LRP5: variants seen among roughly 807,000 people sequenced by gnomAD.
LRP5 encodes the protein low-density lipoprotein receptor-related protein 5.
LRP5 carries 62 observed loss-of-function variants against 154.1 expected under a neutral mutation model. The ratio of observed to expected loss-of-function variants is 0.40; its 90% CI spans 0.33 to 0.50. The LOEUF is 0.50. Ranked by LOEUF, LRP5 falls within the 20% of genes least tolerant of loss-of-function variation. The pLI is 0.55. For missense variants in LRP5, 1,915 were observed against 2,336.7 expected, an observed-to-expected ratio of 0.82 and a Z score of 3.72; for synonymous variants, 966 against 1,011.5, an observed-to-expected ratio of 0.96 and a Z score of 0.85.
At chr11:68,349,859 C>T (rs1040667374) in intron 2 of LRP5, among the ~76,000 whole-genome samples, 5 of 152,192 alleles carry the variant, frequency 3.3e-5, no homozygotes, top group Admixed American at 3.3e-4. Context: ...TACACACACC[C>T]TTACCTGGGC....
intron 17 of LRP5, among the ~76,000 whole-genome samples, chr11:68,432,110 C>A (rs569925154): frequency 2.0e-4 from 31 of 152,256 alleles, no homozygotes; most frequent in Non-Finnish European, 3.5e-4. Context: ...CGCCATTCAG[C>A]CCTTCCCTGA....
chr11:68,421,088 G>T (rs1416773013), intron 13 of LRP5, among the ~76,000 whole-genome samples: 1 of 152,136 alleles, frequency 6.6e-6, no homozygotes, highest in Non-Finnish European at 1.5e-5. Flanking sequence ...CTAGCCAGGT[G>T]TGGTGGCGGG....
At chr11:68,410,672 C>T (rs1190199331) in intron 10 of LRP5, among the ~76,000 whole-genome samples, 1 of 152,202 alleles carries the variant, frequency 6.6e-6, no homozygotes, top group Non-Finnish European at 1.5e-5. Context: ...GGCAAATGTG[C>T]TTTGAGCTGC....
intron 1 of LRP5, among the ~76,000 whole-genome samples, chr11:68,336,344 A>G (rs980126215): frequency 6.6e-6 from 1 of 152,264 alleles, no homozygotes; most frequent in Non-Finnish European, 1.5e-5. Flanking sequence ...TGCCTTAGCG[A>G]CCAACCCACA....
rs577560086 is a variant in LRP5, at chr11:68,417,622, G to T, written c.3027+1095G>T. 5.9e-5 allele frequency among the ~76,000 whole-genome samples: 9 copies of T among 151,488 alleles called. No homozygotes were observed. The East Asian group carries it at 1.8e-3, about 30-fold the overall frequency. On this transcript the variant is annotated intron_variant, in intron 13 of 22. Transcript: ENST00000294304. ...ATTACAGGCATGAGCCACCGCGGCC[G>T]GCCAGATTTGCATTTTTGAAACAAC... is the stretch of plus-strand genomic sequence containing the variant.
chr11:68,446,387 A>G, intron 21 of LRP5, 49 bp from the exon 22 acceptor site: 1 of 1,266,646 alleles, frequency 7.9e-7, no homozygotes, highest in Non-Finnish European at 1.2e-6. Flanking sequence ...GAAGGAAGGA[A>G]TGCCCAGGCT....
At chr11:68,414,363 G>A (rs948159639) in intron 12 of LRP5, among the ~76,000 whole-genome samples, 2 of 152,174 alleles carry the variant, frequency 1.3e-5, no homozygotes, top group African/African-American at 4.8e-5. Context: ...CTGGAGGGTG[G>A]GGAGTAGCAT....
intron 7 of LRP5, among the ~76,000 whole-genome samples, chr11:68,400,201 T>C (rs1203422413): frequency 6.6e-6 from 1 of 152,066 alleles, no homozygotes; most frequent in African/African-American, 2.4e-5. Flanking sequence ...TGGGGCCACC[T>C]GGGAGTGTGG....
chr11:68,433,764 A>T lies in LRP5; in HGVS notation c.3926A>T (p.Gln1309Leu). 6.2e-7 allele frequency: 1 copy of T among 1,612,700 alleles called. No individual in the cohort carries two copies. Among genetic ancestry groups the T allele is most frequent in the African/African-American group, 1.3e-5 (1 of 75,038 alleles). ...GCCCAGTTCCCCTGCGCGCGGGGTC[A>T]GTGTGTGGACCTGCGCCTGCGCTGC... ...SAAQFPCARG[Q>L]CVDLRLRCDG... Residue 1309 changes from glutamine to leucine, a missense_variant, in exon 18 of 23, where the codon CAG becomes CTG. By Grantham distance (113) the Gln-to-Leu change is moderately radical. Around this residue, in one of 3 missense-constraint regions of LRP5, gnomAD observed 1,094 missense variants for 1,210.1 expected, o/e 0.90. Coordinates refer to ENST00000294304, the MANE Select transcript of LRP5 (RefSeq NM_002335.4).
chr11:68,390,053 G>A lies in LRP5; in HGVS notation c.1584+1G>A, dbSNP rs1554967176. ...AGACGCCAAGACAGACAAGATCGAG[G>A]TGAGGCTCCTGTGGACATGTTTGAT... On this transcript the variant is annotated splice_donor_variant, in intron 7 of 22. Coordinates refer to ENST00000294304, the MANE Select transcript of LRP5 (RefSeq NM_002335.4). LOFTEE classifies it high-confidence loss of function. 1 of 1,614,242 alleles carries A rather than the reference G, an allele frequency of 6.2e-7. No homozygotes were observed. The highest frequency in any genetic ancestry group is 1.3e-5 in the African/African-American group (1 of 75,066).
intron 2 of LRP5, among the ~76,000 whole-genome samples, chr11:68,355,750 C>G (rs894006253): frequency 6.6e-6 from 1 of 152,172 alleles, no homozygotes; most frequent in Non-Finnish European, 1.5e-5. Context: ...ATGCTTGTCT[C>G]TTGGGAACAT....
At chr11:68,307,690 T>C (rs1235235042), upstream of LRP5, among the ~76,000 whole-genome samples, 1 of 151,616 alleles carries the variant, frequency 6.6e-6, no homozygotes, top group Non-Finnish European at 1.5e-5. Flanking sequence ...CGGTGGTGCA[T>C]GCCTGTAGTT....
At chr11:68,394,755 C>T (rs1043721196) in intron 7 of LRP5, among the ~76,000 whole-genome samples, 17 of 152,288 alleles carry the variant, frequency 1.1e-4, no homozygotes, top group South Asian at 4.1e-4. Context: ...TGAGCCACCG[C>T]GCCCGGCCCG....
At chr11:68,389,144 A>G (rs2098644683) in intron 6 of LRP5, among the ~76,000 whole-genome samples, 3 of 152,262 alleles carry the variant, frequency 2.0e-5, no homozygotes, top group African/African-American at 7.2e-5. Flanking sequence ...ACCAACATTT[A>G]CCAACACTGA....
chr11:68,361,320 A>T (rs1269484694), intron 3 of LRP5, among the ~76,000 whole-genome samples: 2 of 147,988 alleles, frequency 1.4e-5, no homozygotes, highest in Non-Finnish European at 1.5e-5. Context: ...AAAAAATAAT[A>T]AAATAAAATA....
chr11:68,444,052 A>C (rs377223750), intron 21 of LRP5, among the ~76,000 whole-genome samples: 1 of 152,156 alleles, frequency 6.6e-6, no homozygotes. Context: ...CAAGGTGGGC[A>C]TCCAGCTTGT....
intron 1 of LRP5, among the ~76,000 whole-genome samples, chr11:68,324,116 T>C (rs1036853158): frequency 2.0e-5 from 3 of 152,200 alleles, no homozygotes; most frequent in Non-Finnish European, 2.9e-5. Flanking sequence ...TCTTAGAGCA[T>C]GGAGTTCTCC....
At chr11:68,421,831 T>G (rs928171867) in intron 13 of LRP5, among the ~76,000 whole-genome samples, 11 of 149,176 alleles carry the variant, frequency 7.4e-5, no homozygotes, top group African/African-American at 2.7e-4. Context: ...GTGTGGTGTG[T>G]GGTGTGTGTG....
At chr11:68,378,559 T>G (rs574418021) in intron 5 of LRP5, among the ~76,000 whole-genome samples, 37 of 152,192 alleles carry the variant, frequency 2.4e-4, no homozygotes, top group African/African-American at 8.9e-4. Flanking sequence ...CCTCTAAGGA[T>G]AAACCCATTC....
Sources: gnomAD v4.1 joint callset for allele counts (sites outside exome capture counted in the v4.1 genomes callset) on GRCh38, gnomAD v4.1.1 for gene constraint, gnomAD v4.1.1 regional missense constraint, MANE v1.5 for transcripts, NCBI Gene and HGNC (gene_info 2026-07-23, HGNC 2026-07-21) for gene names.